Variants in CCDC178 observed in about 807,000 individuals in gnomAD.
CCDC178 encodes the protein coiled-coil domain containing 178, also known as coiled-coil domain-containing protein 178.
CCDC178 carries 126 observed loss-of-function variants against 117.4 expected under a neutral mutation model. The ratio of observed to expected loss-of-function variants is 1.07; its 90% confidence interval spans 0.93 to 1.24. CCDC178 has a LOEUF of 1.24. Ranked by LOEUF, CCDC178 falls within the 50% of genes most tolerant of loss-of-function variation. The probability of loss-of-function intolerance (pLI) is 0.00; values close to 1 mark genes in which losing one functional copy is unlikely to be tolerated. For synonymous variants in CCDC178, 283 were observed against 313.4 expected (o/e 0.90, Z 1.02); for missense variants, 1,030 against 986.9 (o/e 1.04, Z -0.59).
At chr18:33,392,452 A>G (rs1003484939) in intron 4 of CCDC178, among the ~76,000 whole-genome samples, 6 of 152,182 alleles carry the variant, frequency 3.9e-5, no homozygotes, top group Admixed American at 6.5e-5. Context: ...CTGAGTCTCA[A>G]TGACTCCAAT....
chr18:33,172,500 A>G (rs1007430264), intron 20 of CCDC178, among the ~76,000 whole-genome samples: 10 of 152,092 alleles, frequency 6.6e-5, no homozygotes, highest in Non-Finnish European at 1.5e-4. Flanking sequence ...AATTATGTTT[A>G]TACATTTATA....
At chr18:32,969,106 T>A (rs906548779) in intron 22 of CCDC178, among the ~76,000 whole-genome samples, 5 of 152,038 alleles carry the variant, frequency 3.3e-5, no homozygotes, top group African/African-American at 1.2e-4. Context: ...ACTAAACCAG[T>A]TCACTAACTC....
At chr18:33,043,119 T>A (rs1180030659) in intron 21 of CCDC178, among the ~76,000 whole-genome samples, 1 of 152,084 alleles carries the variant, frequency 6.6e-6, no homozygotes, top group Non-Finnish European at 1.5e-5. Context: ...AATAAAAGAC[T>A]ACAATCAAGT....
chr18:33,202,520 C>CAAGTAAG (rs2144560205), intron 20 of CCDC178, among the ~76,000 whole-genome samples: 1 of 151,190 alleles, frequency 6.6e-6, no homozygotes, highest in Non-Finnish European at 1.5e-5. Context: ...ACCAGTCAAC[C>CAAGTAAG]AGGATGGCAC....
chr18:32,957,975 A>G (rs1298477251), intron 22 of CCDC178: 2 of 272,366 alleles, frequency 7.3e-6, no homozygotes, highest in African/African-American at 4.3e-5. Flanking sequence ...CTCTTTAGTT[A>G]ATAAATGAAG....
chr18:33,434,635 A>G (rs921570264), intron 2 of CCDC178, among the ~76,000 whole-genome samples: 10 of 152,132 alleles, frequency 6.6e-5, no homozygotes, highest in Non-Finnish European at 2.9e-5. Context: ...TCTGAAAGCA[A>G]CTGAGATATC....
At chr18:32,977,902 T>C (rs562845755) in intron 21 of CCDC178, among the ~76,000 whole-genome samples, 48 of 152,188 alleles carry the variant, frequency 3.2e-4, no homozygotes, top group African/African-American at 1.1e-3. Flanking sequence ...ACAAATATGA[T>C]AAAAAGCAAG....
intron 21 of CCDC178, among the ~76,000 whole-genome samples, chr18:32,990,583 C>T (rs1329070240): frequency 6.6e-6 from 1 of 151,934 alleles, no homozygotes. Flanking sequence ...AAACTAAATT[C>T]CATATGTATT....
chr18:32,952,658 T>C (rs1476356116), intron 22 of CCDC178, among the ~76,000 whole-genome samples: 1 of 152,368 alleles, frequency 6.6e-6, no homozygotes, highest in African/African-American at 2.4e-5. Context: ...ATTGTCTTGA[T>C]GATTAACATT....
At chr18:33,167,964 T>C (rs2058553528) in intron 20 of CCDC178, among the ~76,000 whole-genome samples, 1 of 152,140 alleles carries the variant, frequency 6.6e-6, no homozygotes, top group Non-Finnish European at 1.5e-5. Context: ...GTATTTAAGT[T>C]CCTTATAGGT....
chr18:33,360,500 G>A (rs2063110892), intron 6 of CCDC178, among the ~76,000 whole-genome samples: 1 of 151,266 alleles, frequency 6.6e-6, no homozygotes, highest in South Asian at 2.1e-4. Context: ...GTCACATATT[G>A]TATGATTTTA....
chr18:33,252,492 T>C (rs891171592), intron 14 of CCDC178, among the ~76,000 whole-genome samples: 10 of 151,710 alleles, frequency 6.6e-5, no homozygotes, highest in Non-Finnish European at 1.2e-4. Flanking sequence ...AAACCAAAAG[T>C]AAAATCATTT....
At chr18:33,370,235 G>A in intron 5 of CCDC178, 46 bp from the exon 6 acceptor site, 2 of 1,429,138 alleles carry the variant, frequency 1.4e-6, no homozygotes, top group East Asian at 2.7e-5. Flanking sequence ...ATACAAAGTA[G>A]TAAATTTTGA....
chr18:33,364,730 TCC>T (rs1460967879), intron 6 of CCDC178, among the ~76,000 whole-genome samples: 4,245 of 124,432 alleles, frequency 0.034, 107 homozygotes, highest in Non-Finnish European at 0.045. Flanking sequence ...CTGTTGTCGC[TCC>T]TTTTTTTTTT....
At chr18:33,204,346 T>TA (rs929538928) in intron 20 of CCDC178, among the ~76,000 whole-genome samples, 10 of 151,964 alleles carry the variant, frequency 6.6e-5, no homozygotes, top group Non-Finnish European at 1.0e-4. Flanking sequence ...TTAAAGGCAA[T>TA]AAAAAAATAC....
intron 6 of CCDC178, among the ~76,000 whole-genome samples, chr18:33,360,330 A>C (rs972224038): frequency 2.6e-5 from 4 of 151,192 alleles, no homozygotes; most frequent in Non-Finnish European, 4.4e-5. Context: ...TCTGTACTAT[A>C]GACAAAGGGG....
intron 22 of CCDC178, among the ~76,000 whole-genome samples, chr18:32,942,825 G>C (rs1385224077): frequency 1.3e-5 from 2 of 152,100 alleles, no homozygotes; most frequent in East Asian, 3.9e-4. Context: ...TATGCATACT[G>C]ATCATACCTT....
intron 8 of CCDC178, among the ~76,000 whole-genome samples, chr18:33,346,672 A>AT (rs2062898643): frequency 6.6e-6 from 1 of 152,116 alleles, no homozygotes. Context: ...GAATAATACC[A>AT]TTTTATCTGA....
chr18:33,225,000 T>A, intron 16 of CCDC178, 64 bp from the exon 17 acceptor site: 1 of 1,189,148 alleles, frequency 8.4e-7, no homozygotes, highest in Non-Finnish European at 1.1e-6. Flanking sequence ...GAGCCTCTTA[T>A]TCAGTGACAG....
Sources: allele counts gnomAD v4.1 joint callset (sites outside exome capture counted in the v4.1 genomes callset), GRCh38; gene constraint gnomAD v4.1.1; transcripts MANE v1.5; gene names NCBI Gene and HGNC (gene_info 2026-07-23, HGNC 2026-07-21).